AKT3: variants seen among roughly 807,000 people sequenced by gnomAD.
The protein encoded by AKT3 is RAC-gamma serine/threonine-protein kinase.
In AKT3, 15 loss-of-function variants were observed where a neutral mutation model predicts 65.3. The observed-to-expected ratio is 0.23, with a 90% CI of 0.15 to 0.35. AKT3 has a LOEUF of 0.35. Ranked by LOEUF, AKT3 falls within the 10% of genes least tolerant of loss-of-function variation. The probability of loss-of-function intolerance (pLI) is 1.00; values close to 1 mark genes in which losing one functional copy is unlikely to be tolerated. For missense variants in AKT3, 243 were observed against 576.5 expected, an observed-to-expected ratio of 0.42 and a Z score of 5.92; for synonymous variants, 206 against 183.8, an observed-to-expected ratio of 1.12 and a Z score of -0.98.
chr1:243,521,978 G>A (rs578007992), intron 12 of AKT3, among the ~76,000 whole-genome samples: 9 of 152,114 alleles, frequency 5.9e-5, no homozygotes, highest in African/African-American at 1.9e-4. Flanking sequence ...CCATAGATAC[G>A]ATACATTATT....
intron 2 of AKT3, among the ~76,000 whole-genome samples, chr1:243,753,342 T>C (rs1205368022): frequency 5.9e-5 from 9 of 152,204 alleles, no homozygotes; most frequent in Admixed American, 5.9e-4. Flanking sequence ...AGAAAGTTCC[T>C]ACGTAAGCAG....
chr1:243,555,996 G>A (rs1038163670), intron 10 of AKT3, among the ~76,000 whole-genome samples: 2 of 152,046 alleles, frequency 1.3e-5, no homozygotes, highest in African/African-American at 4.8e-5. Context: ...CCCAAACAGA[G>A]ATGAAAGAGG....
intron 2 of AKT3, among the ~76,000 whole-genome samples, chr1:243,786,301 T>C (rs1440488917): frequency 1.3e-5 from 2 of 152,168 alleles, no homozygotes; most frequent in African/African-American, 4.8e-5. Flanking sequence ...TATACACAAA[T>C]CCAGTCATCC....
At chr1:243,572,702 C>A (rs757373367) in intron 9 of AKT3, among the ~76,000 whole-genome samples, 2 of 152,066 alleles carry the variant, frequency 1.3e-5, no homozygotes, top group Admixed American at 1.3e-4. Context: ...TCCAAGCAGT[C>A]GGGCAGAAAT....
At chr1:243,646,202 C>A (rs1311465414) in intron 4 of AKT3, among the ~76,000 whole-genome samples, 165 bp from the exon 5 acceptor site, 2 of 152,062 alleles carry the variant, frequency 1.3e-5, no homozygotes, top group African/African-American at 4.8e-5. Flanking sequence ...TGAAAATAAT[C>A]CTAAGAGCAT....
At chr1:243,666,405 TCA>T (rs1337843720) in intron 3 of AKT3, among the ~76,000 whole-genome samples, 2 of 152,198 alleles carry the variant, frequency 1.3e-5, no homozygotes, top group Non-Finnish European at 2.9e-5. Context: ...CAATCATCTC[TCA>T]GTTTACCAAT....
At chr1:243,535,185 A>ATATTTAAATTAAATTT (rs74162292) in intron 12 of AKT3, among the ~76,000 whole-genome samples, 5 of 139,090 alleles carry the variant, frequency 3.6e-5, no homozygotes, top group Non-Finnish European at 7.6e-5. Flanking sequence ...ATTTTAAAAT[A>ATATTTAAATTAAATTT]ATTTTAAAAT....
At chr1:243,808,891 A>T (rs1200523699) in intron 2 of AKT3, among the ~76,000 whole-genome samples, 1 of 152,212 alleles carries the variant, frequency 6.6e-6, no homozygotes, top group Non-Finnish European at 1.5e-5. Context: ...ATACTTAAAG[A>T]AAAGAATTTT....
chr1:243,490,297 TCTGAGACTGCTCC>T (rs1201817467), intron 13 of AKT3, among the ~76,000 whole-genome samples: 1 of 152,224 alleles, frequency 6.6e-6, no homozygotes, highest in Non-Finnish European at 1.5e-5. Flanking sequence ...TCCCCATGCT[TCTGAGACTGCTCC>T]CAGGGACTGT....
intron 11 of AKT3, chr1:243,547,081 C>G (rs1275670315): frequency 1.3e-5 from 2 of 152,106 alleles, no homozygotes; most frequent in African/African-American, 2.4e-5. Context: ...TCTCTTAAGT[C>G]TAAACAGTCA....
intron 8 of AKT3, among the ~76,000 whole-genome samples, chr1:243,580,462 T>C (rs1412559788): frequency 6.6e-6 from 1 of 152,154 alleles, no homozygotes; most frequent in Non-Finnish European, 1.5e-5. Context: ...TTTGGGCACA[T>C]AAAAACTCAG....
At chr1:243,714,208 A>G (rs957682832) in intron 2 of AKT3, among the ~76,000 whole-genome samples, 4 of 152,210 alleles carry the variant, frequency 2.6e-5, no homozygotes, top group African/African-American at 9.6e-5. Flanking sequence ...TACCATATTC[A>G]TAAAATGGAT....
At chr1:243,831,228 G>A (rs1352083370) in intron 2 of AKT3, among the ~76,000 whole-genome samples, 1 of 152,132 alleles carries the variant, frequency 6.6e-6, no homozygotes, top group African/African-American at 2.4e-5. Context: ...ATTACAAACT[G>A]TACAAAATAT....
intron 2 of AKT3, among the ~76,000 whole-genome samples, chr1:243,709,106 T>C (rs1685988259): frequency 6.6e-6 from 1 of 151,800 alleles, no homozygotes; most frequent in Non-Finnish European, 1.5e-5. Context: ...TTTTTTTATA[T>C]ACAAAACACT....
chr1:243,728,031 C>T (rs996375829), intron 2 of AKT3, among the ~76,000 whole-genome samples: 1 of 152,082 alleles, frequency 6.6e-6, no homozygotes, highest in Non-Finnish European at 1.5e-5. Flanking sequence ...TAACAGAAAC[C>T]ACATACAACT....
chr1:243,556,745 T>C (rs1372436528), intron 10 of AKT3, among the ~76,000 whole-genome samples: 2 of 152,198 alleles, frequency 1.3e-5, no homozygotes, highest in African/African-American at 4.8e-5. Flanking sequence ...AACATACATC[T>C]GTATCATTTA....
chr1:243,824,057 A>G lies in AKT3; in HGVS notation c.46+19068T>C, dbSNP rs536745231. Among the ~76,000 whole-genome samples, 3 of 152,354 alleles carry G rather than the reference A, an allele frequency of 2.0e-5. No homozygotes were observed. The South Asian group carries it at 6.2e-4, about 32-fold the overall frequency. Reference sequence around the variant, plus strand: ...AACAGCATGGTACTGGTACCAAAACAGACACATAGACCAACGGAATAAAAT... The same window carrying G: ...AACAGCATGGTACTGGTACCAAAACGGACACATAGACCAACGGAATAAAAT... On this transcript the variant is annotated intron_variant, in intron 2 of 13. Transcript: ENST00000673466.
At chr1:243,764,779 T>G (rs1689713309) in intron 2 of AKT3, among the ~76,000 whole-genome samples, 2 of 152,118 alleles carry the variant, frequency 1.3e-5, no homozygotes, top group Admixed American at 1.3e-4. Context: ...ACACCTACAA[T>G]CTCATCATAT....
chr1:243,734,085 C>G (rs1378914056), intron 2 of AKT3, among the ~76,000 whole-genome samples: 1 of 152,182 alleles, frequency 6.6e-6, no homozygotes, highest in Non-Finnish European at 1.5e-5. Flanking sequence ...ATGATAAACA[C>G]ACTGTCAAGT....
Sources: gnomAD v4.1 joint callset for allele counts (sites outside exome capture counted in the v4.1 genomes callset) on GRCh38, gnomAD v4.1.1 for gene constraint, MANE v1.5 for transcripts, NCBI Gene and HGNC (gene_info 2026-07-23, HGNC 2026-07-21) for gene names.